TAF1B: variants seen among roughly 807,000 people sequenced by gnomAD.
The protein encoded by TAF1B is TATA box-binding protein-associated factor RNA polymerase I subunit B.
In TAF1B, 61 loss-of-function variants were observed where a neutral mutation model predicts 83.9. That is an observed-to-expected ratio of 0.73 (90% CI 0.59 to 0.90). The LOEUF (loss-of-function observed/expected upper bound fraction) is 0.90, where lower values mean the gene tolerates loss of function less well. TAF1B is among the 40% of genes least tolerant of loss of function. The pLI is 0.00. For missense variants in TAF1B, 625 were observed against 677.0 expected, an observed-to-expected ratio of 0.92 and a Z score of 0.85; for synonymous variants, 221 against 224.6, an observed-to-expected ratio of 0.98 and a Z score of 0.14.
At chr2:9,897,838 C>A (rs1425586888) in intron 8 of TAF1B, among the ~76,000 whole-genome samples, 1 of 152,112 alleles carries the variant, frequency 6.6e-6, no homozygotes, top group Non-Finnish European at 1.5e-5. Flanking sequence ...GAATAATAAC[C>A]TGACAGGTTT....
At chr2:9,860,701 C>G (rs762703992) in intron 5 of TAF1B, among the ~76,000 whole-genome samples, 26 of 152,048 alleles carry the variant, frequency 1.7e-4, no homozygotes, top group Non-Finnish European at 3.7e-4. Context: ...ACTCTGGAAA[C>G]CAAGGGAACA....
rs1663333481 is a variant in TAF1B at position 9,849,998 on chromosome 2, T to C, written c.205+538T>C. 2.0e-5 allele frequency among the ~76,000 whole-genome samples: 3 copies of C among 146,464 alleles called. No individual in the cohort carries two copies. In the Admixed American group the frequency reaches 2.1e-4, roughly 10 times the overall value. ...CTTCTACATGAGATAGCTTTAAGGA[T>C]ACACACACATTAAAAAATATATATA... On this transcript the variant is annotated intron_variant, in intron 3 of 14. Transcript: ENST00000263663.
At chr2:9,905,766 GA>G (rs1665321457) in intron 9 of TAF1B, among the ~76,000 whole-genome samples, 1 of 152,110 alleles carries the variant, frequency 6.6e-6, no homozygotes, top group South Asian at 2.1e-4. Context: ...TGTGTTATGT[GA>G]AAAAAGCAAT....
At chr2:9,876,631 T>C (rs77636614) in intron 7 of TAF1B, among the ~76,000 whole-genome samples, 6,705 of 152,338 alleles carry the variant, frequency 0.044, 194 homozygotes, top group Non-Finnish European at 0.067. Context: ...GCTTTATATG[T>C]GTTCTGAATA....
Position 9,908,692 on chromosome 2 carries a change from T to A in TAF1B, c.956-2044T>A, listed in dbSNP as rs1572273898. Among the ~76,000 whole-genome samples, 3 of 152,276 alleles carry A rather than the reference T, an allele frequency of 2.0e-5. No homozygotes were observed. The East Asian group carries it at 5.8e-4, about 29-fold the overall frequency. On this transcript the variant is annotated intron_variant, in intron 9 of 14. Transcript: ENST00000263663. ...TTTGCATCTGAATGAAGCCCAGGAG[T>A]AAATTCAGGTGACACCTGTAAATTG... is the stretch of plus-strand genomic sequence containing the variant.
intron 3 of TAF1B, among the ~76,000 whole-genome samples, chr2:9,851,325 G>T (rs1243459586): frequency 6.6e-6 from 1 of 151,876 alleles, no homozygotes. Context: ...CAGCATTTGT[G>T]TACACATTGC....
At chr2:9,875,782 T>C in intron 6 of TAF1B, 83 bp from the exon 7 acceptor site, 1 of 1,412,140 alleles carries the variant, frequency 7.1e-7, no homozygotes, top group Non-Finnish European at 9.6e-7. Context: ...ATATTTAAAA[T>C]GCCTGTTTAG....
chr2:9,913,106 A>G, intron 11 of TAF1B, 53 bp from the exon 12 acceptor site: 3 of 1,416,198 alleles, frequency 2.1e-6, no homozygotes, highest in Non-Finnish European at 1.9e-6. Flanking sequence ...AACAATGTAT[A>G]TTATTATAGT....
chr2:9,875,418 C>A (rs528682766), intron 6 of TAF1B, among the ~76,000 whole-genome samples: 1 of 152,102 alleles, frequency 6.6e-6, no homozygotes, highest in Non-Finnish European at 1.5e-5. Context: ...TGTATTAGTC[C>A]ATTTTCTTAC....
intron 14 of TAF1B, among the ~76,000 whole-genome samples, chr2:9,926,667 C>G (rs1021874355): frequency 5.3e-5 from 8 of 151,884 alleles, no homozygotes; most frequent in African/African-American, 1.9e-4. Context: ...GGTGAAACCC[C>G]ATCTCTACTA....
intron 14 of TAF1B, among the ~76,000 whole-genome samples, chr2:9,921,102 T>G (rs1461202438): frequency 6.6e-6 from 1 of 152,170 alleles, no homozygotes; most frequent in Non-Finnish European, 1.5e-5. Context: ...GTGTAAATTC[T>G]TAAGTAATTT....
chr2:9,909,167 A>G (rs1665444144), intron 9 of TAF1B, among the ~76,000 whole-genome samples: 1 of 152,240 alleles, frequency 6.6e-6, no homozygotes, highest in Non-Finnish European at 1.5e-5. Flanking sequence ...TTTATCATAA[A>G]CGTGTAATTA....
chr2:9,913,440 G>A (rs1665594327), intron 12 of TAF1B, 191 bp downstream of exon 12: 10 of 457,358 alleles, frequency 2.2e-5, no homozygotes, highest in Non-Finnish European at 3.8e-5. Context: ...GATTTGATGT[G>A]GATTTCACCA....
At chr2:9,845,942 CACTGT>C (rs1663193321) in intron 2 of TAF1B, 5 of 384,488 alleles carry the variant, frequency 1.3e-5, no homozygotes, top group Admixed American at 6.3e-5. Context: ...GAGATCACGC[CACTGT>C]ACTCCAGCCT....
chr2:9,916,098 G>A (rs1665674585), intron 12 of TAF1B, among the ~76,000 whole-genome samples: 1 of 152,200 alleles, frequency 6.6e-6, no homozygotes, highest in Admixed American at 6.5e-5. Flanking sequence ...GAGATATTTT[G>A]GAGTGATGGA....
chr2:9,927,231 T>G (rs1572295217), intron 14 of TAF1B, among the ~76,000 whole-genome samples: 2 of 152,316 alleles, frequency 1.3e-5, no homozygotes, highest in East Asian at 3.9e-4. Context: ...TAGTATTCCA[T>G]GGTGTATATG....
chr2:9,855,596 ATTGCTTGAGCTT>A (rs1253264650), intron 5 of TAF1B, among the ~76,000 whole-genome samples: 1 of 152,032 alleles, frequency 6.6e-6, no homozygotes, highest in Non-Finnish European at 1.5e-5. Context: ...AGGTGGGAGG[ATTGCTTGAGCTT>A]AGGAGGTTGA....
intron 7 of TAF1B, 78 bp from the exon 8 acceptor site, chr2:9,882,628 A>C (rs1664544739): frequency 1.2e-6 from 1 of 848,466 alleles, no homozygotes; most frequent in Non-Finnish European, 1.7e-6. Flanking sequence ...CTTTGAATTA[A>C]GAGATTTTTC....
intron 14 of TAF1B, among the ~76,000 whole-genome samples, chr2:9,923,237 CA>C (rs71391173): frequency 0.31 from 34,825 of 112,772 alleles, 4,615 homozygotes; most frequent in Middle Eastern, 0.39. Context: ...GACTCCATCT[CA>C]AAAAAAAAAA....
Sources: gnomAD v4.1 joint callset for allele counts (sites outside exome capture counted in the v4.1 genomes callset) on GRCh38, gnomAD v4.1.1 for gene constraint, MANE v1.5 for transcripts, NCBI Gene and HGNC (gene_info 2026-07-23, HGNC 2026-07-21) for gene names.